The following DCAF6 variants were observed in gnomAD, a reference collection of about 807,000 sequenced individuals.
The protein encoded by DCAF6 is DDB1- and CUL4-associated factor 6.
A neutral mutation model predicts 125.1 loss-of-function variants in DCAF6; 54 were observed. The ratio of observed to expected loss-of-function variants is 0.43; its 90% CI spans 0.35 to 0.54. The LOEUF (loss-of-function observed/expected upper bound fraction) is 0.54. Ranked by LOEUF, DCAF6 falls within the 20% of genes least tolerant of loss-of-function variation. The probability of loss-of-function intolerance (pLI) is 0.01; values close to 1 mark genes in which losing one functional copy is unlikely to be tolerated. For synonymous variants in DCAF6, 371 were observed against 390.4 expected (o/e 0.95, Z 0.58); for missense variants, 934 against 1,161.7 (o/e 0.80, Z 2.85).
rs575359883 is a variant in DCAF6 at position 168,056,521 on chromosome 1, C to A, written c.2300+5588C>A. The A allele has an allele frequency of 1.0e-3, 460 of 453,918 alleles. 44 individuals are homozygous for A. Among genetic ancestry groups the A allele is most frequent in the Non-Finnish European group, 1.3e-3 (392 of 293,660 alleles). 28.1% of individuals were successfully genotyped at this position (453,918 alleles called of 1,614,324 possible). A position where few individuals can be genotyped will look rare whatever the true frequency, so the allele number is the denominator to read the frequency against. ...AGGCTTAAGTTTTTAATAATAAATT[C>A]ACACTCAATTTATTTTTGAATGGAA... On this transcript the variant is annotated intron_variant, in intron 17 of 21. Transcript: ENST00000367840.
chr1:167,951,500 G>C lies in DCAF6; in HGVS notation c.98-300G>C, dbSNP rs563437757. 3.3e-5 allele frequency among the ~76,000 whole-genome samples: 5 copies of C among 152,232 alleles called. No homozygotes were observed. The East Asian group carries it at 9.6e-4, about 29-fold the overall frequency. On this transcript the variant is annotated intron_variant, in intron 1 of 21. Coordinates refer to ENST00000367840, the MANE Select transcript of DCAF6 (RefSeq NM_001198956.2). Reference sequence around the variant, plus strand: ...TGAGGAAGGAGAATTGCTTGAACTTGGGAGGCAGAGGTTGCAGTGAGCTGA... The same window carrying C: ...TGAGGAAGGAGAATTGCTTGAACTTCGGAGGCAGAGGTTGCAGTGAGCTGA...
At chr1:168,038,144 A>G (rs1688076749) in intron 12 of DCAF6, among the ~76,000 whole-genome samples, 1 of 152,184 alleles carries the variant, frequency 6.6e-6, no homozygotes, top group Admixed American at 6.5e-5. Flanking sequence ...TTCCATCTGA[A>G]TCAAAGGGAG....
At position 168,043,159 on chromosome 1, in the gene DCAF6, T is replaced by C. The variant is rs1224617571; in HGVS notation, c.1843+19T>C. The C allele has an allele frequency of 2.2e-5, 34 of 1,574,162 alleles. No individual in the cohort carries two copies. Among genetic ancestry groups the C allele is most frequent in the Non-Finnish European group, 2.9e-5 (33 of 1,146,144 alleles). The stretch of plus-strand genomic sequence containing the variant: ...GAAACAAGTAAGGTGTTATTTTGCT[T>C]TTGTTGTTATAAAATTGCAGCATTG... On this transcript the variant is annotated intron_variant, in intron 14 of 21. Transcript: ENST00000367840.
the DCAF6 span, among the ~76,000 whole-genome samples, chr1:167,873,849 C>A: frequency 6.6e-6 from 1 of 152,228 alleles, no homozygotes; most frequent in Admixed American, 6.5e-5. Flanking sequence ...AATTTGATTA[C>A]ATTAAAGTTA....
Position 168,043,106 on chromosome 1 carries a change from C to A in DCAF6, c.1809C>A (p.Ser603Arg), listed in dbSNP as rs12128133. The change falls in exon 14 of 22, where the codon AGC (serine) becomes AGA (arginine). Residue 603 changes from serine (S) to arginine (R), a missense_variant. Around this residue, in one of 5 missense-constraint regions of DCAF6, gnomAD observed 559 missense variants for 635.5 expected, o/e 0.88. Coordinates refer to ENST00000367840, the MANE Select transcript of DCAF6 (RefSeq NM_001198956.2). Reference protein sequence around the residue: ...EGQEESFVPQSSVQPPEGDSE... With the variant: ...EGQEESFVPQRSVQPPEGDSE... ...AGGAGGAATCTTTCGTCCCACAGAG[C>A]TCAGTGCAACCACCAGAAGGAGACA... The A allele has an allele frequency of 6.2e-7, 1 of 1,612,860 alleles. No individual in the cohort carries two copies.
intron 1 of DCAF6, among the ~76,000 whole-genome samples, chr1:167,946,987 G>A (rs1673180874): frequency 6.6e-6 from 1 of 152,170 alleles, no homozygotes; most frequent in African/African-American, 2.4e-5. Flanking sequence ...ATTCGGCTGT[G>A]AAGCCATCTG....
upstream of DCAF6, among the ~76,000 whole-genome samples, chr1:167,934,744 C>T (rs1359985606): frequency 1.3e-5 from 2 of 152,150 alleles, no homozygotes; most frequent in Non-Finnish European, 2.9e-5. Context: ...AGCCACTTTT[C>T]GGGTAGCACT....
chr1:168,032,557 A>G (rs1334447862), intron 12 of DCAF6, among the ~76,000 whole-genome samples: 1 of 152,150 alleles, frequency 6.6e-6, no homozygotes, highest in African/African-American at 2.4e-5. Context: ...AGATAGTTAA[A>G]CTTTATTATT....
intron 6 of DCAF6, among the ~76,000 whole-genome samples, chr1:167,992,894 C>T (rs1396672220): frequency 6.6e-6 from 1 of 151,996 alleles, no homozygotes; most frequent in Non-Finnish European, 1.5e-5. Flanking sequence ...AATTTGTTAT[C>T]TTAATTTGGG....
the DCAF6 span, chr1:167,903,955 A>T: frequency 6.2e-7 from 1 of 1,614,060 alleles, no homozygotes; most frequent in East Asian, 2.2e-5. Flanking sequence ...GTCCATGTAC[A>T]TGGCACTGCT....
upstream of DCAF6, chr1:167,936,057 A>AGCCCCCGGTCCGCCTCCG (rs1671168090): frequency 1.7e-6 from 1 of 586,798 alleles, no homozygotes; most frequent in East Asian, 2.9e-5. Flanking sequence ...GCCGACTGCC[A>AGCCCCCGGTCCGCCTCCG]GCCCCCGGTC....
intron 10 of DCAF6, among the ~76,000 whole-genome samples, chr1:168,011,921 C>T (rs1274672592): frequency 6.6e-6 from 1 of 151,938 alleles, no homozygotes; most frequent in African/African-American, 2.4e-5. Flanking sequence ...TGCAGTGAGC[C>T]GAGATCACTC....
chr1:167,991,538 G>C (rs1220889771), intron 6 of DCAF6, among the ~76,000 whole-genome samples, 199 bp downstream of exon 6: 1 of 152,170 alleles, frequency 6.6e-6, no homozygotes, highest in African/African-American at 2.4e-5. Flanking sequence ...TTAAAAAGTT[G>C]TAACATTTGA....
At chr1:168,010,826 A>G (rs1352253792) in intron 10 of DCAF6, among the ~76,000 whole-genome samples, 1 of 152,074 alleles carries the variant, frequency 6.6e-6, no homozygotes, top group African/African-American at 2.4e-5. Context: ...AAGCCTAGAA[A>G]TGTTTTCATT....
Position 168,028,160 on chromosome 1 carries a change from C to T in DCAF6, c.1609+5113C>T, listed in dbSNP as rs3767469. 9.2e-5 allele frequency among the ~76,000 whole-genome samples: 14 copies of T among 152,118 alleles called. No homozygotes were observed. The East Asian group carries it at 2.5e-3, about 27-fold the overall frequency. On this transcript the variant is annotated intron_variant, in intron 12 of 21. Coordinates refer to ENST00000367840, the MANE Select transcript of DCAF6 (RefSeq NM_001198956.2). ...GGGTAGTTTTAGTTTTCCTTTTTAT[C>T]TCTCTACTATAAGAGGAAAAATTCT...
chr1:168,032,064 G>GTTC (rs993500907), intron 12 of DCAF6, among the ~76,000 whole-genome samples: 3 of 152,150 alleles, frequency 2.0e-5, no homozygotes, highest in Non-Finnish European at 4.4e-5. Context: ...CATGAAAAAA[G>GTTC]TTCTTGGGTT....
intron 1 of DCAF6, among the ~76,000 whole-genome samples, chr1:167,950,061 A>G (rs991844740): frequency 6.6e-6 from 1 of 152,246 alleles, no homozygotes; most frequent in Non-Finnish European, 1.5e-5. Context: ...GTCATATAGA[A>G]GAGTTCTTGC....
At chr1:168,008,947 C>T (rs993429753) in intron 10 of DCAF6, among the ~76,000 whole-genome samples, 1 of 143,790 alleles carries the variant, frequency 7.0e-6, no homozygotes, top group Non-Finnish European at 1.5e-5. Flanking sequence ...CTCTCTTTCT[C>T]TCTCTCTTTT....
At chr1:167,939,284 G>A (rs1671864975) in intron 1 of DCAF6, among the ~76,000 whole-genome samples, 1 of 151,932 alleles carries the variant, frequency 6.6e-6, no homozygotes, top group Non-Finnish European at 1.5e-5. Context: ...TTTTATTGGG[G>A]TATAATTGAC....
Sources: allele counts gnomAD v4.1 joint callset (sites outside exome capture counted in the v4.1 genomes callset), GRCh38; gene constraint gnomAD v4.1.1; regional missense constraint gnomAD v4.1.1; transcripts MANE v1.5; gene names NCBI Gene and HGNC (gene_info 2026-07-23, HGNC 2026-07-21).